CBLB: variants seen among roughly 807,000 people sequenced by gnomAD.
The protein encoded by CBLB is E3 ubiquitin-protein ligase CBL-B.
In CBLB, 31 loss-of-function variants were observed where a neutral mutation model predicts 104.9. That is an observed-to-expected ratio of 0.30 (90% CI 0.22 to 0.40). The LOEUF (loss-of-function observed/expected upper bound fraction) is 0.40, where lower values mean the gene tolerates loss of function less well. CBLB is among the 10% of genes least tolerant of loss of function. CBLB has a pLI of 1.00. For synonymous variants in CBLB, 440 were observed against 422.6 expected (o/e 1.04, Z -0.51); for missense variants, 1,062 against 1,214.6 (o/e 0.87, Z 1.87).
chr3:105,758,132 G>C (rs1182779864), intron 4 of CBLB, among the ~76,000 whole-genome samples: 1 of 152,110 alleles, frequency 6.6e-6, no homozygotes, highest in South Asian at 2.1e-4. Flanking sequence ...AGAATATGAA[G>C]ATAGATTCTT....
chr3:105,683,026 G>A (rs2066508753), intron 14 of CBLB, among the ~76,000 whole-genome samples: 1 of 1,162 alleles, frequency 8.6e-4, no homozygotes, highest in Admixed American at 0.018. Flanking sequence ...CGTATGTAAT[G>A]GAAGAGACGG....
intron 13 of CBLB, 77 bp downstream of exon 13, chr3:105,693,417 G>A (rs1041997432): frequency 3.7e-6 from 3 of 808,022 alleles, no homozygotes; most frequent in South Asian, 2.9e-5. Context: ...TGTAGTGTCT[G>A]TACTGAGAAC....
At chr3:105,773,854 G>C (rs1377350625) in intron 4 of CBLB, among the ~76,000 whole-genome samples, 1 of 152,198 alleles carries the variant, frequency 6.6e-6, no homozygotes, top group African/African-American at 2.4e-5. Flanking sequence ...ACCATAAACA[G>C]AATCCCCCAA....
intron 9 of CBLB, among the ~76,000 whole-genome samples, chr3:105,720,838 C>G (rs754265515): frequency 6.6e-6 from 1 of 152,184 alleles, no homozygotes; most frequent in Non-Finnish European, 1.5e-5. Flanking sequence ...TCCTGACACA[C>G]AGCTCAAATA....
chr3:105,831,067 A>AT (rs1473479452), intron 3 of CBLB, among the ~76,000 whole-genome samples: 2 of 152,090 alleles, frequency 1.3e-5, no homozygotes, highest in African/African-American at 2.4e-5. Context: ...TTCTTGTTTT[A>AT]TTTTTTCTGA....
intron 3 of CBLB, among the ~76,000 whole-genome samples, chr3:105,781,879 A>G (rs2080300368): frequency 6.6e-6 from 1 of 152,206 alleles, no homozygotes; most frequent in African/African-American, 2.4e-5. Context: ...GCTCTTCTTA[A>G]TTTTACAAGG....
intron 9 of CBLB, among the ~76,000 whole-genome samples, chr3:105,732,458 G>GA (rs1346434536): frequency 1.3e-5 from 2 of 152,052 alleles, no homozygotes; most frequent in Non-Finnish European, 2.9e-5. Context: ...AGGATATAAA[G>GA]AAAAACGTAA....
At chr3:105,855,830 A>C (rs998592016) in intron 2 of CBLB, among the ~76,000 whole-genome samples, 2 of 152,274 alleles carry the variant, frequency 1.3e-5, no homozygotes, top group Admixed American at 6.5e-5. Flanking sequence ...ATTCACTTTC[A>C]TAAACAATTT....
chr3:105,705,947 G>T (rs2152794730), intron 10 of CBLB, among the ~76,000 whole-genome samples: 1 of 152,250 alleles, frequency 6.6e-6, no homozygotes, highest in African/African-American at 2.4e-5. Flanking sequence ...ACTAGCCTGG[G>T]CAACATGGCA....
At chr3:105,712,325 G>C (rs1251244803) in intron 10 of CBLB, among the ~76,000 whole-genome samples, 1 of 152,092 alleles carries the variant, frequency 6.6e-6, no homozygotes, top group Non-Finnish European at 1.5e-5. Context: ...TAAGCTTTTA[G>C]AAATGTGTCA....
chr3:105,702,212 G>C lies in CBLB; in HGVS notation c.1841C>G (p.Ser614Cys). ...ACTCGCTGTGATTCCAGGTTTTGGA[G>C]AGCCCTCCCCTAGGAGTCGACATCC... Reference protein sequence around the residue: ...LVGCRLLGEGSPKPGITASSN... With the variant: ...LVGCRLLGEGCPKPGITASSN... Residue 614 changes from serine to cysteine, a missense_variant, in exon 12 of 19, where the codon TCT becomes TGT. This residue lies in a region of CBLB where 605 missense variants were observed against 582.6 expected (regional missense o/e 1.04). Transcript: ENST00000394030. 1.2e-6 allele frequency: 2 copies of C among 1,614,102 alleles called. No individual in the cohort carries two copies. Among genetic ancestry groups the C allele is most frequent in the Non-Finnish European group, 1.7e-6 (2 of 1,180,018 alleles).
At chr3:105,666,904 C>T (rs947273967) in intron 18 of CBLB, among the ~76,000 whole-genome samples, 1 of 152,166 alleles carries the variant, frequency 6.6e-6, no homozygotes, top group African/African-American at 2.4e-5. Context: ...TCAACATTGC[C>T]ATTTCCTTTG....
In CBLB at chr3:105,685,424, T is replaced by C; in HGVS notation, c.2097A>G (p.Arg699=). The C allele has an allele frequency of 1.2e-6, 2 of 1,613,224 alleles. No homozygotes were observed. The highest frequency in any genetic ancestry group is 1.7e-6 in the Non-Finnish European group (2 of 1,179,254). The change falls in exon 14 of 19, where the codon AGA becomes AGG. Residue 699 remains arginine (R), a synonymous_variant. Transcript: ENST00000394030. ...CATCATCATCTTCCTCTACTGGGTCTCTTGTTTTCTCTGAAAGAGAATTTG... is the reference window on the plus strand; with the variant it reads ...CATCATCATCTTCCTCTACTGGGTCCCTTGTTTTCTCTGAAAGAGAATTTG... ...PLANSLSEKT[R]DPVEEDDDEY...
At chr3:105,701,418 G>A (rs1174964160) in intron 12 of CBLB, among the ~76,000 whole-genome samples, 1 of 152,180 alleles carries the variant, frequency 6.6e-6, no homozygotes, top group Non-Finnish European at 1.5e-5. Flanking sequence ...TTTATGACAT[G>A]TATAGTAACA....
intron 2 of CBLB, among the ~76,000 whole-genome samples, chr3:105,860,217 G>C (rs1005082911): frequency 6.6e-6 from 1 of 152,150 alleles, no homozygotes; most frequent in Non-Finnish European, 1.5e-5. Context: ...AATATTTGAT[G>C]GCAGAAAGGA....
chr3:105,742,776 C>T (rs895907103), intron 6 of CBLB, among the ~76,000 whole-genome samples: 7 of 152,130 alleles, frequency 4.6e-5, no homozygotes, highest in Non-Finnish European at 1.0e-4. Flanking sequence ...AAAATAATTA[C>T]ACATCTGCAT....
At chr3:105,821,350 G>A (rs772480774) in intron 3 of CBLB, among the ~76,000 whole-genome samples, 1 of 151,890 alleles carries the variant, frequency 6.6e-6, no homozygotes, top group African/African-American at 2.4e-5. Context: ...TTTCAATGCC[G>A]AACAGTTCAA....
intron 3 of CBLB, among the ~76,000 whole-genome samples, chr3:105,793,907 C>T (rs2081972559): frequency 1.3e-5 from 2 of 151,990 alleles, no homozygotes; most frequent in South Asian, 4.2e-4. Flanking sequence ...ATATGGCCTG[C>T]TAATAACTAG....
chr3:105,792,123 T>C (rs1560261366), intron 3 of CBLB, among the ~76,000 whole-genome samples: 1 of 152,182 alleles, frequency 6.6e-6, no homozygotes, highest in East Asian at 1.9e-4. Flanking sequence ...AATTGCTGAC[T>C]CAGAATATAT....
Sources: allele counts gnomAD v4.1 joint callset (sites outside exome capture counted in the v4.1 genomes callset), GRCh38; gene constraint gnomAD v4.1.1; regional missense constraint gnomAD v4.1.1; transcripts MANE v1.5; gene names NCBI Gene and HGNC (gene_info 2026-07-23, HGNC 2026-07-21).